Variants in MYO19 observed in about 807,000 individuals in gnomAD.
MYO19 encodes myosin XIX.
In MYO19, 132 loss-of-function variants were observed where a neutral mutation model predicts 129.2. That is an observed-to-expected ratio of 1.02 (90% CI 0.89 to 1.18). MYO19 has a LOEUF of 1.18. Ranked by LOEUF, MYO19 falls within the 50% of genes most tolerant of loss-of-function variation. The pLI is 0.00. For synonymous variants in MYO19, 531 were observed against 477.2 expected (o/e 1.11, Z -1.47); for missense variants, 1,210 against 1,216.7 (o/e 0.99, Z 0.08).
upstream of MYO19, chr17:36,537,745 G>A: frequency 5.0e-6 from 8 of 1,614,156 alleles, no homozygotes; most frequent in Non-Finnish European, 6.8e-6. Context: ...CTAGGAATCG[G>A]ACGATTAGCC....
chr17:36,497,175 C>CA (rs34705114), intron 25 of MYO19, among the ~76,000 whole-genome samples: 55,681 of 147,518 alleles, frequency 0.38, 10,707 homozygotes, highest in Middle Eastern at 0.48. Context: ...ATTAAAAATA[C>CA]AAAAAAAAAA....
intron 5 of MYO19, 113 bp downstream of exon 5, chr17:36,527,434 GCAGA>G (rs2073542696): frequency 8.2e-7 from 1 of 1,213,948 alleles, no homozygotes; most frequent in African/African-American, 1.5e-5. Context: ...CGTGGCACTA[GCAGA>G]CTCTGAATGA....
chr17:36,537,653 G>T (rs1341324365), upstream of MYO19: 1 of 1,614,136 alleles, frequency 6.2e-7, no homozygotes, highest in East Asian at 2.2e-5. Flanking sequence ...TTTGTCTAGA[G>T]GTCAGGAGGA....
chr17:36,500,787 G>A lies in MYO19; in HGVS notation c.2377+43C>T. On this transcript the variant is annotated intron_variant, in intron 23 of 25. Coordinates refer to ENST00000614623, the MANE Select transcript of MYO19 (RefSeq NM_001163735.2). ...ATGTTTCAAAGGAAACCAACATCCTGTGGGGTCTGTGAGCAGTGCTGACAG... is the reference window on the plus strand; with the variant it reads ...ATGTTTCAAAGGAAACCAACATCCTATGGGGTCTGTGAGCAGTGCTGACAG... The A allele has an allele frequency of 1.9e-6, 3 of 1,573,044 alleles. No homozygotes were observed. In the South Asian group the frequency reaches 3.3e-5, roughly 18 times the overall value.
Position 36,507,004 on chromosome 17 carries a change from GC to G in MYO19, c.1602del (p.Pro535LeufsTer21). On this transcript the variant is annotated frameshift_variant, in exon 17 of 26. Coordinates refer to ENST00000614623, the MANE Select transcript of MYO19 (RefSeq NM_001163735.2). LOFTEE classifies it high-confidence loss of function. ...AGGCCTGCTGTGTGGTACCGCACAGGCCCCGCATAATGCACCACAATGAAGC... is the reference window on the plus strand; with the variant it reads ...AGGCCTGCTGTGTGGTACCGCACAGGCCCGCATAATGCACCACAATGAAGC... ...EPSFIVVHYA[G>X]PVRYHTAGLV... is the part of the protein sequence containing the mutation. The G allele has an allele frequency of 6.2e-7, 1 of 1,612,602 alleles. No homozygotes were observed. Among genetic ancestry groups the G allele is most frequent in the African/African-American group, 1.3e-5 (1 of 75,032 alleles).
upstream of MYO19, among the ~76,000 whole-genome samples, chr17:36,543,970 C>A (rs1285095277): frequency 6.6e-6 from 1 of 152,200 alleles, no homozygotes; most frequent in Non-Finnish European, 1.5e-5. Context: ...GGAAATAGAG[C>A]AGTAAATTGA....
intron 19 of MYO19, 86 bp downstream of exon 19, chr17:36,505,211 T>C: frequency 8.3e-7 from 1 of 1,204,612 alleles, no homozygotes; most frequent in Non-Finnish European, 1.2e-6. Context: ...GCACTCCATT[T>C]GGAACAGATG....
At chr17:36,539,871 G>A (rs191351782), upstream of MYO19, among the ~76,000 whole-genome samples, 95 of 151,586 alleles carry the variant, frequency 6.3e-4, no homozygotes, top group Non-Finnish European at 1.1e-3. Context: ...CTAGTAAGGA[G>A]TCAAGTTTTC....
At chr17:36,531,319 T>C (rs1020630336) in intron 3 of MYO19, among the ~76,000 whole-genome samples, 1 of 140,714 alleles carries the variant, frequency 7.1e-6, no homozygotes, top group African/African-American at 2.7e-5. Context: ...AGCATGAACC[T>C]GGGAGGCAGA....
At chr17:36,523,356 G>T (rs76819589) in intron 6 of MYO19, among the ~76,000 whole-genome samples, 5 of 152,282 alleles carry the variant, frequency 3.3e-5, no homozygotes, top group East Asian at 3.9e-4. Context: ...CAGAAGAAAA[G>T]ATATGGTCTG....
chr17:36,530,559 C>T (rs142448416), intron 3 of MYO19, among the ~76,000 whole-genome samples: 55 of 148,882 alleles, frequency 3.7e-4, no homozygotes, highest in African/African-American at 1.3e-3. Flanking sequence ...CGGGTTCACG[C>T]CATTCTCCTG....
At position 36,503,839 on chromosome 17, in the gene MYO19, TTTCTC is replaced by T. The variant is rs1382532451; in HGVS notation, c.1976+106_1976+110del. The stretch of plus-strand genomic sequence containing the variant: ...CAGCTGACTTCTACAGACCAGCCTC[TTTCTC>T]TTCATTTCCACATCTCACTCTGGGT... On this transcript the variant is annotated intron_variant, in intron 20 of 25. Transcript: ENST00000614623. 4.4e-6 allele frequency: 4 copies of T among 901,410 alleles called. No homozygotes were observed. In the Admixed American group the frequency reaches 1.4e-4, roughly 32 times the overall value. The allele number at this position is 901,410 out of a possible 1,614,324, so 55.8% of individuals were successfully genotyped here. A position where few individuals can be genotyped will look rare whatever the true frequency, so the allele number is the denominator to read the frequency against.
At chr17:36,537,171 C>T, upstream of MYO19, 1 of 1,614,112 alleles carries the variant, frequency 6.2e-7, no homozygotes, top group Middle Eastern at 1.6e-4. Flanking sequence ...GGAAATCACC[C>T]AGGGATTGTG....
chr17:36,537,560 CAGA>C (rs763712145), upstream of MYO19: 5 of 1,613,968 alleles, frequency 3.1e-6, no homozygotes, highest in African/African-American at 6.7e-5. Flanking sequence ...CACTTTTTCC[CAGA>C]AGATTTGCCA....
intron 21 of MYO19, among the ~76,000 whole-genome samples, chr17:36,502,588 G>A (rs1211124416): frequency 1.3e-5 from 2 of 152,190 alleles, no homozygotes; most frequent in African/African-American, 2.4e-5. Context: ...CAGAAAGTGT[G>A]AGGCTGATAA....
rs1270935545 is a variant in MYO19, at chr17:36,507,884, G to A, written c.1272C>T (p.Asn424=). Reference sequence around the variant, plus strand: ...AGTTGATGCACAACTGTTCCAGACTGTTGTCAGGAAATGATTCAAATCCAT... The same window carrying A: ...AGTTGATGCACAACTGTTCCAGACTATTGTCAGGAAATGATTCAAATCCAT... The part of the protein sequence containing the change: ...DVYGFESFPD[N]SLEQLCINYA... The change falls in exon 15 of 26, where the codon AAC becomes AAT. Residue 424 remains asparagine (N), a synonymous_variant. Transcript: ENST00000614623. The A allele has an allele frequency of 1.2e-6, 2 of 1,612,624 alleles. No individual in the cohort carries two copies. The highest frequency in any genetic ancestry group is 3.3e-5 in the Admixed American group (2 of 59,858).
Position 36,532,675 on chromosome 17 carries a change from C to T in MYO19, c.-137G>A, listed in dbSNP as rs1047712034. 2.9e-6 allele frequency: 3 copies of T among 1,036,366 alleles called. No individual in the cohort carries two copies. In the African/African-American group the frequency reaches 4.8e-5, roughly 16 times the overall value. 64.2% of individuals were successfully genotyped at this position (1,036,366 alleles called of 1,614,324 possible). ...CTGGAGGAATCTCAGACAAGTCACT[C>T]CAGCGCCTGTGGCATGAGAGAGAAG... On this transcript the variant is annotated 5_prime_UTR_variant, in exon 3 of 26. Coordinates refer to ENST00000614623, the MANE Select transcript of MYO19 (RefSeq NM_001163735.2).
chr17:36,544,224 A>G (rs552971692), upstream of MYO19, among the ~76,000 whole-genome samples: 9 of 152,210 alleles, frequency 5.9e-5, no homozygotes, highest in East Asian at 9.7e-4. Flanking sequence ...CACACACACC[A>G]CTGTCCGGTT....
Position 36,498,315 on chromosome 17 carries a change from T to G in MYO19, c.2708A>C (p.Gln903Pro), listed in dbSNP as rs2071194037. The change falls in exon 25 of 26, where the codon CAG becomes CCG. Residue 903 changes from glutamine to proline, a missense_variant. By Grantham distance (76) the Gln-to-Pro change is moderately conservative (BLOSUM62 -1). Coordinates refer to ENST00000614623, the MANE Select transcript of MYO19 (RefSeq NM_001163735.2). The part of the protein sequence containing the change: ...PRGSPSSYTV[Q>P]TAQDQAGVTS... ...GACACCAGCCTGGTCTTGTGCTGTC[T>G]GGACAGTGTAGCTACTGGGGCTGCC... 6.2e-7 allele frequency: 1 copy of G among 1,613,886 alleles called. No individual in the cohort carries two copies. Among genetic ancestry groups the G allele is most frequent in the Admixed American group, 1.7e-5 (1 of 60,016 alleles).
Sources: gnomAD v4.1 joint callset for allele counts (sites outside exome capture counted in the v4.1 genomes callset) on GRCh38, gnomAD v4.1.1 for gene constraint, MANE v1.5 for transcripts, NCBI Gene and HGNC (gene_info 2026-07-23, HGNC 2026-07-21) for gene names.